Variants in PCDH11X observed in about 807,000 individuals in gnomAD.
PCDH11X encodes protocadherin-11 X-linked.
A neutral mutation model predicts 53.3 loss-of-function variants in PCDH11X; 18 were observed. The ratio of observed to expected loss-of-function variants is 0.34; its 90% CI spans 0.23 to 0.50. The LOEUF (loss-of-function observed/expected upper bound fraction) is 0.50, where lower values mean the gene tolerates loss of function less well. Among genes scored for constraint, PCDH11X ranks in the 20% least tolerant of loss-of-function variants. The pLI is 0.98. For synonymous variants in PCDH11X, 279 were observed against 393.3 expected (o/e 0.71, Z 3.44); for missense variants, 570 against 1,032.4 (o/e 0.55, Z 6.14).
chrX:91,908,990 C>G (rs1263264412), intron 6 of PCDH11X, among the ~76,000 whole-genome samples: 1 of 110,273 alleles, frequency 9.1e-6, no homozygotes, highest in Non-Finnish European at 1.9e-5. Context: ...GGGCATATAC[C>G]CAAAGGAATA....
intron 9 of PCDH11X, among the ~76,000 whole-genome samples, chrX:92,412,478 T>C (rs1376189827): frequency 1.1e-5 from 1 of 91,940 alleles, no homozygotes; most frequent in Admixed American, 1.2e-4. Flanking sequence ...TTTCTAAAGA[T>C]AAAAATTTGA....
At chrX:92,265,237 T>TA (rs2067803385) in intron 8 of PCDH11X, among the ~76,000 whole-genome samples, 1 of 110,147 alleles carries the variant, frequency 9.1e-6, no homozygotes, top group South Asian at 3.9e-4. Flanking sequence ...ACCCGGCCGA[T>TA]AAGCAGAATC....
chrX:92,393,651 TATC>T (rs1343213743), intron 9 of PCDH11X, among the ~76,000 whole-genome samples: 38 of 111,373 alleles, frequency 3.4e-4, no homozygotes, highest in African/African-American at 1.2e-3. Flanking sequence ...TCAAATGAAA[TATC>T]ATTGTAATAA....
chrX:92,290,678 C>T (rs2068472808), intron 8 of PCDH11X, among the ~76,000 whole-genome samples: 1 of 108,717 alleles, frequency 9.2e-6, no homozygotes, highest in African/African-American at 3.3e-5. Context: ...TATTTTCAAA[C>T]TAGATAAATA....
chrX:92,474,119 A>AT (rs1184797248), intron 10 of PCDH11X, among the ~76,000 whole-genome samples: 1 of 111,154 alleles, frequency 9.0e-6, no homozygotes, highest in Non-Finnish European at 1.9e-5. Context: ...TTTGCTATAT[A>AT]TATCTGAGTG....
chrX:92,128,899 C>T (rs1413192718), intron 6 of PCDH11X, among the ~76,000 whole-genome samples: 1 of 108,907 alleles, frequency 9.2e-6, no homozygotes, highest in Non-Finnish European at 1.9e-5. Context: ...TCTGGACATA[C>T]CTAGGAATGC....
intron 6 of PCDH11X, among the ~76,000 whole-genome samples, chrX:92,085,870 G>A (rs1473489151): frequency 9.0e-6 from 1 of 111,315 alleles, no homozygotes; most frequent in Non-Finnish European, 1.9e-5. Flanking sequence ...GTAGCTATGT[G>A]TGACTTTAAA....
Position 91,872,930 on chromosome X carries a change from T to C in PCDH11X, c.541-3851T>C, listed in dbSNP as rs1455035834. Among the ~76,000 whole-genome samples the C allele has an allele frequency of 2.8e-5, 3 of 107,249 alleles. No homozygotes were observed. The East Asian group carries it at 8.8e-4, about 31-fold the overall frequency. The allele number at this position is 107,249 out of a possible 115,157, so 93.1% of individuals were successfully genotyped here. On this transcript the variant is annotated intron_variant, in intron 5 of 10. Coordinates refer to ENST00000682573, the MANE Select transcript of PCDH11X (RefSeq NM_032968.5). ...AGTTATTCTTTATTCCTGAAGGAGA[T>C]TGAACAGAAAACAGTCTTGGAATCA...
At chrX:92,100,508 A>T (rs1380979061) in intron 6 of PCDH11X, among the ~76,000 whole-genome samples, 1 of 110,278 alleles carries the variant, frequency 9.1e-6, no homozygotes, top group Non-Finnish European at 1.9e-5. Context: ...TTCACAAGGT[A>T]ATGTCATCAC....
chrX:91,983,499 C>G (rs1030022337), intron 6 of PCDH11X: 213 of 523,872 alleles, frequency 4.1e-4, no homozygotes, highest in Non-Finnish European at 6.3e-4. Flanking sequence ...ATGGGTGGCA[C>G]AGCCATCTTA....
chrX:92,351,517 T>C (rs1459070596), intron 8 of PCDH11X, among the ~76,000 whole-genome samples: 1 of 111,834 alleles, frequency 8.9e-6, no homozygotes, highest in Non-Finnish European at 1.9e-5. Context: ...AATTCTATTT[T>C]ATCTTACTGA....
intron 9 of PCDH11X, among the ~76,000 whole-genome samples, chrX:92,399,965 A>G (rs1410714265): frequency 9.8e-6 from 1 of 102,183 alleles, no homozygotes; most frequent in Non-Finnish European, 2.0e-5. Flanking sequence ...GTTAGCCAGG[A>G]TGGTTTCGAT....
chrX:92,103,959 C>T (rs35848357), intron 6 of PCDH11X, among the ~76,000 whole-genome samples: 20 of 111,444 alleles, frequency 1.8e-4, no homozygotes, highest in African/African-American at 3.9e-4. Flanking sequence ...GAGAATAAGA[C>T]GGCCTTTAGA....
rs780139638 is a variant in PCDH11X, at chrX:92,144,390, G to A, written c.3034-56985G>A. ...CACGTGTTGTGCGAAGGACCCAGGG[G>A]GAGATCATTGAATCAAGTGGGCCAG... On this transcript the variant is annotated intron_variant, in intron 6 of 10. Transcript: ENST00000682573. Among the ~76,000 whole-genome samples, 10 of 110,444 alleles carry A rather than the reference G, an allele frequency of 9.1e-5. No individual in the cohort carries two copies. In the South Asian group the frequency reaches 3.8e-3, roughly 42 times the overall value.
chrX:91,981,701 T>C (rs1275075695), intron 6 of PCDH11X, among the ~76,000 whole-genome samples: 5 of 109,623 alleles, frequency 4.6e-5, no homozygotes, highest in Non-Finnish European at 9.5e-5. Context: ...ACAATCATAG[T>C]GGAAGGCAAG....
chrX:92,609,564 A>G, intron 10 of PCDH11X, among the ~76,000 whole-genome samples: 1 of 111,351 alleles, frequency 9.0e-6, no homozygotes, highest in South Asian at 3.7e-4. Context: ...GTCTATACAG[A>G]TATTAGCCAG....
At chrX:92,197,089 AT>A (rs2148316411) in intron 6 of PCDH11X, among the ~76,000 whole-genome samples, 1 of 111,903 alleles carries the variant, frequency 8.9e-6, no homozygotes, top group African/African-American at 3.2e-5. Context: ...GACAAAATTC[AT>A]AAAACTAGTA....
At chrX:92,350,089 T>A (rs1181572301) in intron 8 of PCDH11X, among the ~76,000 whole-genome samples, 1 of 110,937 alleles carries the variant, frequency 9.0e-6, no homozygotes, top group East Asian at 2.9e-4. Context: ...TGATTGCTTT[T>A]TATTTACGCT....
Position 92,012,368 on chromosome X carries a change from G to A in PCDH11X, c.3033+133095G>A, listed in dbSNP as rs754761562. Among the ~76,000 whole-genome samples the A allele has an allele frequency of 6.4e-5, 7 of 109,659 alleles. No individual in the cohort carries two copies. In the South Asian group the frequency reaches 2.8e-3, roughly 44 times the overall value. The stretch of plus-strand genomic sequence containing the variant: ...TGGGCAAAGAGAAGTTATCCCATAC[G>A]TAAAATTATTCTCAACATCTGTGCT... On this transcript the variant is annotated intron_variant, in intron 6 of 10. Coordinates refer to ENST00000682573, the MANE Select transcript of PCDH11X (RefSeq NM_032968.5).
Sources: allele counts gnomAD v4.1 joint callset (sites outside exome capture counted in the v4.1 genomes callset), GRCh38; gene constraint gnomAD v4.1.1; transcripts MANE v1.5; gene names NCBI Gene and HGNC (gene_info 2026-07-23, HGNC 2026-07-21).